NRF1: variants seen among roughly 807,000 people sequenced by gnomAD.
The protein encoded by NRF1 is nuclear respiratory factor 1, also known as alpha palindromic-binding protein.
A neutral mutation model predicts 58.5 loss-of-function variants in NRF1; 5 were observed. That is an observed-to-expected ratio of 0.09 (90% confidence interval 0.04 to 0.18). The LOEUF (loss-of-function observed/expected upper bound fraction) is 0.18. NRF1 is among the 10% of genes least tolerant of loss of function. The probability of loss-of-function intolerance (pLI) is 1.00; values close to 1 mark genes in which losing one functional copy is unlikely to be tolerated. For missense variants in NRF1, 288 were observed against 657.7 expected (o/e 0.44, Z 6.15); for synonymous variants, 224 against 246.7 (o/e 0.91, Z 0.86).
Position 129,725,361 on chromosome 7 carries a change from CTT to C in NRF1, c.1224-1879_1224-1878del, listed in dbSNP as rs536370522. On this transcript the variant is annotated intron_variant, in intron 9 of 10. Transcript: ENST00000393232. ...TTTTTTTTTTTGAGACAGTTTCACT[CTT>C]ATTGCCCAGGCTGGAGTGCAATGGC... Among the ~76,000 whole-genome samples the C allele has an allele frequency of 2.5e-3, 372 of 150,428 alleles. 1 individual carries two copies. Among genetic ancestry groups the C allele is most frequent in the African/African-American group, 5.4e-3 (220 of 40,912 alleles).
At chr7:129,637,633 T>C (rs576586485) in intron 1 of NRF1, among the ~76,000 whole-genome samples, 1 of 152,296 alleles carries the variant, frequency 6.6e-6, no homozygotes, top group East Asian at 1.9e-4. Context: ...TTATTTACAC[T>C]TAAAAAAATG....
At position 129,730,576 on chromosome 7, in the gene NRF1, A is replaced by AC. The variant is rs538916659; in HGVS notation, c.1348+3213dup. Among the ~76,000 whole-genome samples the AC allele has an allele frequency of 1.2e-4, 18 of 152,292 alleles. No homozygotes were observed. In the East Asian group the frequency reaches 2.1e-3, roughly 18 times the overall value. On this transcript the variant is annotated intron_variant, in intron 10 of 10. Coordinates refer to ENST00000393232, the MANE Select transcript of NRF1 (RefSeq NM_005011.5). The stretch of plus-strand genomic sequence containing the variant: ...GGGATGGAACTAGCAGGGATAGAGG[A>AC]CCACTGCATGTGGAGCCTGATGAAG...
chr7:129,703,236 A>G (rs533646669), intron 5 of NRF1, among the ~76,000 whole-genome samples: 3 of 152,280 alleles, frequency 2.0e-5, no homozygotes, highest in Non-Finnish European at 2.9e-5. Context: ...AGAGTACCTT[A>G]GGCCCACCTA....
chr7:129,660,998 A>G (rs1801768211), intron 2 of NRF1, among the ~76,000 whole-genome samples: 1 of 151,346 alleles, frequency 6.6e-6, no homozygotes. Flanking sequence ...AAATCCAGGC[A>G]TAGGTTCCCA....
At chr7:129,743,780 G>A (rs1172459119) in intron 10 of NRF1, among the ~76,000 whole-genome samples, 1 of 152,220 alleles carries the variant, frequency 6.6e-6, no homozygotes. Flanking sequence ...GAGCGAGCCA[G>A]TGTAAGCCTG....
intron 1 of NRF1, among the ~76,000 whole-genome samples, chr7:129,653,207 G>A (rs1801576806): frequency 6.6e-6 from 1 of 152,160 alleles, no homozygotes; most frequent in Admixed American, 6.5e-5. Context: ...TTATTTCACT[G>A]AGCAGAATAT....
At chr7:129,650,246 T>C (rs1235795898) in intron 1 of NRF1, among the ~76,000 whole-genome samples, 1 of 151,958 alleles carries the variant, frequency 6.6e-6, no homozygotes, top group Non-Finnish European at 1.5e-5. Context: ...GTATGCTGTT[T>C]TATTTGAATG....
chr7:129,712,607 G>A (rs996476623), intron 8 of NRF1, among the ~76,000 whole-genome samples: 5 of 152,166 alleles, frequency 3.3e-5, no homozygotes, highest in Non-Finnish European at 7.3e-5. Context: ...GAGTTGATTC[G>A]CACAGGATCC....
At chr7:129,658,026 A>G (rs1281377817) in intron 2 of NRF1, among the ~76,000 whole-genome samples, 2 of 151,964 alleles carry the variant, frequency 1.3e-5, no homozygotes, top group African/African-American at 2.4e-5. Context: ...TTTTTCATCT[A>G]TTCTGCCTAT....
At chr7:129,691,079 G>C (rs1425005100) in intron 5 of NRF1, among the ~76,000 whole-genome samples, 1 of 151,864 alleles carries the variant, frequency 6.6e-6, no homozygotes, top group African/African-American at 2.4e-5. Flanking sequence ...CTAAAGATGA[G>C]GGTCTCACTG....
At chr7:129,744,076 T>C in intron 10 of NRF1, 1 of 1,121,706 alleles carries the variant, frequency 8.9e-7, no homozygotes, top group Non-Finnish European at 1.3e-6. Flanking sequence ...GCACCAGATG[T>C]GCATGGGAGG....
intron 1 of NRF1, among the ~76,000 whole-genome samples, chr7:129,647,655 A>G (rs1224004391): frequency 6.6e-6 from 1 of 152,206 alleles, no homozygotes; most frequent in Admixed American, 6.5e-5. Flanking sequence ...TGGCCTCCCA[A>G]AGTGCTGGGA....
chr7:129,754,474 A>AAAAAAAAAAAAAAAAAAG (rs1804202662), intron 10 of NRF1, among the ~76,000 whole-genome samples: 1 of 149,974 alleles, frequency 6.7e-6, no homozygotes, highest in South Asian at 2.1e-4. Context: ...TAAAAAAAAA[A>AAAAAAAAAAAAAAAAAAG]AAAAAAAAAG....
chr7:129,707,489 T>C (rs1331609386), intron 5 of NRF1, among the ~76,000 whole-genome samples: 1 of 152,178 alleles, frequency 6.6e-6, no homozygotes, highest in East Asian at 1.9e-4. Flanking sequence ...TGAAGAAGTA[T>C]AAAATATTGT....
rs1417138446 is a variant in NRF1 at position 129,634,041 on chromosome 7, AAGAT to A, written c.-7+22219_-7+22222del. Reference sequence around the variant, plus strand: ...TTACATCTGTATTTAAAAAAAAAAAAAGATATATATATATATATATACACACACA... The same window carrying A: ...TTACATCTGTATTTAAAAAAAAAAAAATATATATATATATATACACACACA... On this transcript the variant is annotated intron_variant, in intron 1 of 10. Coordinates refer to ENST00000393232, the MANE Select transcript of NRF1 (RefSeq NM_005011.5). 1.2e-3 allele frequency among the ~76,000 whole-genome samples: 134 copies of A among 113,768 alleles called. No individual in the cohort carries two copies. In the South Asian group the frequency reaches 0.013, roughly 11 times the overall value. The allele number at this position is 113,768 out of a possible 152,430, so 74.6% of individuals were successfully genotyped here.
At chr7:129,752,205 C>T (rs747676897) in intron 10 of NRF1, among the ~76,000 whole-genome samples, 36 of 152,168 alleles carry the variant, frequency 2.4e-4, no homozygotes, top group Non-Finnish European at 4.4e-4. Flanking sequence ...CCAGAGGAGG[C>T]TGCTCCAGCA....
intron 1 of NRF1, among the ~76,000 whole-genome samples, chr7:129,648,441 G>A (rs1041951311): frequency 9.2e-5 from 14 of 151,668 alleles, no homozygotes; most frequent in Non-Finnish European, 1.5e-4. Context: ...CACCACGCCC[G>A]GCTAACTTTT....
Position 129,615,892 on chromosome 7 carries a change from G to A in NRF1, c.-7+4068G>A, listed in dbSNP as rs951344373. Among the ~76,000 whole-genome samples the A allele has an allele frequency of 1.7e-4, 26 of 152,172 alleles. 1 individual carries two copies. The highest frequency in any genetic ancestry group is 1.3e-3 in the Admixed American group (20 of 15,276). ...AAATGAATTTCAGGTGTTTCCAGGA[G>A]ATTAAAACCATATTGAGCTATTGGA... On this transcript the variant is annotated intron_variant, in intron 1 of 10. Transcript: ENST00000393232.
intron 1 of NRF1, among the ~76,000 whole-genome samples, chr7:129,639,773 C>T (rs1197707143): frequency 1.3e-5 from 2 of 152,170 alleles, no homozygotes; most frequent in Non-Finnish European, 2.9e-5. Context: ...GTCTCGAACT[C>T]CTGGCCTCAG....
Sources: gnomAD v4.1 joint callset for allele counts (sites outside exome capture counted in the v4.1 genomes callset) on GRCh38, gnomAD v4.1.1 for gene constraint, MANE v1.5 for transcripts, NCBI Gene and HGNC (gene_info 2026-07-23, HGNC 2026-07-21) for gene names.